The following CEP85L variants were observed in gnomAD, a reference collection of about 807,000 sequenced individuals.
CEP85L encodes the protein centrosomal protein 85L, also known as centrosomal protein of 85 kDa-like.
In CEP85L, 60 loss-of-function variants were observed where a neutral mutation model predicts 100.3. The observed-to-expected ratio is 0.60, with a 90% CI of 0.49 to 0.74. The LOEUF (loss-of-function observed/expected upper bound fraction) is 0.74. Ranked by LOEUF, CEP85L falls within the 30% of genes least tolerant of loss-of-function variation. CEP85L has a pLI of 0.00. For missense variants in CEP85L, 973 were observed against 936.2 expected, an observed-to-expected ratio of 1.04 and a Z score of -0.51; for synonymous variants, 319 against 322.7, an observed-to-expected ratio of 0.99 and a Z score of 0.12.
At chr6:118,503,060 CA>C in intron 5 of CEP85L, among the ~76,000 whole-genome samples, 1 of 152,078 alleles carries the variant, frequency 6.6e-6, no homozygotes, top group South Asian at 2.1e-4. Flanking sequence ...TGAAAACAAA[CA>C]AAAAACACCT....
intron 1 of CEP85L, among the ~76,000 whole-genome samples, chr6:118,641,901 T>C (rs1359746498): frequency 2.0e-5 from 3 of 152,090 alleles, no homozygotes; most frequent in Non-Finnish European, 4.4e-5. Context: ...AAAATAACCA[T>C]TGATCCCCAT....
rs76927489 is a variant in CEP85L at position 118,581,890 on chromosome 6, G to A, written c.233-15574C>T. On this transcript the variant is annotated intron_variant, in intron 2 of 12. Coordinates refer to ENST00000368491, the MANE Select transcript of CEP85L (RefSeq NM_001042475.3). The stretch of plus-strand genomic sequence containing the variant: ...GGGACAGATAAACCTGGCCCGCTGC[G>A]GGGAGCCTTGATTTTAATATTATCC... 4.5e-4 allele frequency among the ~76,000 whole-genome samples: 69 copies of A among 152,120 alleles called. 1 individual carries two copies. In the East Asian group the frequency reaches 6.9e-3, roughly 15 times the overall value.
At chr6:118,523,097 A>C (rs1582972167) in intron 4 of CEP85L, among the ~76,000 whole-genome samples, 2 of 152,214 alleles carry the variant, frequency 1.3e-5, no homozygotes, top group African/African-American at 4.8e-5. Context: ...AGTAATTACG[A>C]GCACTGGTTA....
chr6:118,498,712 CA>C (rs1775087180), intron 5 of CEP85L, among the ~76,000 whole-genome samples: 1 of 151,816 alleles, frequency 6.6e-6, no homozygotes, highest in South Asian at 2.1e-4. Context: ...ACAGTTTCAA[CA>C]GGCAGAAAAT....
upstream of CEP85L, among the ~76,000 whole-genome samples, chr6:118,654,033 G>T (rs1383902177): frequency 6.6e-6 from 1 of 152,154 alleles, no homozygotes; most frequent in African/African-American, 2.4e-5. Context: ...TATCTTACAT[G>T]TGTTTTTCTG....
intron 5 of CEP85L, among the ~76,000 whole-genome samples, chr6:118,505,786 C>T (rs1231060351): frequency 1.3e-5 from 2 of 152,142 alleles, no homozygotes. Flanking sequence ...AGTGAAACTA[C>T]TCTGCATGAT....
intron 2 of CEP85L, among the ~76,000 whole-genome samples, chr6:118,610,112 T>G (rs760599672): frequency 3.3e-5 from 5 of 152,164 alleles, no homozygotes; most frequent in Admixed American, 2.0e-4. Flanking sequence ...TCACCACACA[T>G]AGAGTTACCT....
At position 118,483,714 on chromosome 6, in the gene CEP85L, T is replaced by A. The variant is rs1773964792; in HGVS notation, c.1582A>T (p.Ser528Cys). 6.2e-7 allele frequency: 1 copy of A among 1,612,432 alleles called. No individual in the cohort carries two copies. The change falls in exon 7 of 13, where the codon AGT (serine) becomes TGT (cysteine). Residue 528 changes from serine to cysteine, a missense_variant. Around this residue, in one of 3 missense-constraint regions of CEP85L, gnomAD observed 890 missense variants for 844.5 expected, o/e 1.05. Coordinates refer to ENST00000368491, the MANE Select transcript of CEP85L (RefSeq NM_001042475.3). Reference sequence around the variant, plus strand: ...ATTTTATTTCATGTTACCTGTAGACTCTGACTCTGTACATCATCTAGAGTT... The same window carrying A: ...ATTTTATTTCATGTTACCTGTAGACACTGACTCTGTACATCATCTAGAGTT... ...LPTLDDVQSQ[S>C]LQLQILEEKN...
upstream of CEP85L, among the ~76,000 whole-genome samples, chr6:118,653,021 T>G (rs376847519): frequency 1.5e-4 from 23 of 152,340 alleles, no homozygotes; most frequent in South Asian, 3.1e-3. Context: ...TTTTTGAAAT[T>G]CATTTGTGAT....
At chr6:118,651,175 G>C in intron 1 of CEP85L, 22 bp downstream of exon 1, 1 of 1,487,076 alleles carries the variant, frequency 6.7e-7, no homozygotes, top group Non-Finnish European at 8.9e-7. Context: ...CACCCCAGCC[G>C]GGGCGCTGTC....
At chr6:118,647,774 G>A (rs370097420) in intron 1 of CEP85L, among the ~76,000 whole-genome samples, 19 of 152,272 alleles carry the variant, frequency 1.2e-4, no homozygotes, top group African/African-American at 4.6e-4. Flanking sequence ...AAGCCTACGG[G>A]AAATATGTCT....
intron 1 of CEP85L, among the ~76,000 whole-genome samples, chr6:118,703,684 T>C (rs1173533631): frequency 2.6e-5 from 4 of 152,244 alleles, no homozygotes; most frequent in African/African-American, 9.6e-5. Flanking sequence ...CTCTCCTGTT[T>C]ACTGCAAACG....
At chr6:118,655,105 T>G (rs753817664), upstream of CEP85L, among the ~76,000 whole-genome samples, 37 of 152,190 alleles carry the variant, frequency 2.4e-4, no homozygotes, top group Non-Finnish European at 4.3e-4. Flanking sequence ...ACCTTCATTC[T>G]AGGCTGTGAT....
chr6:118,643,622 A>G (rs1032187270), intron 1 of CEP85L, among the ~76,000 whole-genome samples: 2 of 152,230 alleles, frequency 1.3e-5, no homozygotes, highest in East Asian at 1.9e-4. Flanking sequence ...TTAAAATCCT[A>G]TCAACGACTT....
intron 1 of CEP85L, among the ~76,000 whole-genome samples, chr6:118,690,282 G>C (rs949890324): frequency 6.6e-6 from 1 of 152,046 alleles, no homozygotes; most frequent in African/African-American, 2.4e-5. Context: ...TATCAAATTT[G>C]TCATGTCTAA....
In CEP85L at chr6:118,523,869, T is replaced by C. The variant is rs1290209117; in HGVS notation, c.1072A>G (p.Ser358Gly). 1.2e-6 allele frequency: 2 copies of C among 1,609,724 alleles called. No individual in the cohort carries two copies. The highest frequency in any genetic ancestry group is 1.7e-5 in the Admixed American group (1 of 59,884). Residue 358 changes from serine to glycine, a missense_variant, in exon 4 of 13, where the codon AGT (serine) becomes GGT (glycine). Coordinates refer to ENST00000368491, the MANE Select transcript of CEP85L (RefSeq NM_001042475.3). ...ATTTTCAACATTGATTCCCACTTAC[T>C]GAAATCCTGATAGCCAGGTGAATAA... ...QSYSPGYQDF[S>G]KWESMLKIKE... is the part of the protein sequence containing the mutation.
At chr6:118,465,670 G>T in intron 12 of CEP85L, 102 bp from the exon 13 acceptor site, 1 of 994,030 alleles carries the variant, frequency 1.0e-6, no homozygotes, top group African/African-American at 1.6e-5. Flanking sequence ...GCTACACACT[G>T]AATACCAGTG....
intron 3 of CEP85L, among the ~76,000 whole-genome samples, chr6:118,540,625 T>C (rs557455278): frequency 3.9e-5 from 6 of 152,004 alleles, no homozygotes; most frequent in Admixed American, 6.6e-5. Flanking sequence ...GGTGTGGTGA[T>C]GCACACCTGT....
intron 2 of CEP85L, among the ~76,000 whole-genome samples, chr6:118,607,944 C>A (rs1004754557): frequency 7.2e-5 from 11 of 152,020 alleles, no homozygotes; most frequent in Non-Finnish European, 1.5e-4. Context: ...TGATCCAGAC[C>A]CCAAGAGAGG....
Sources: gnomAD v4.1 joint callset for allele counts (sites outside exome capture counted in the v4.1 genomes callset) on GRCh38, gnomAD v4.1.1 for gene constraint, gnomAD v4.1.1 regional missense constraint, MANE v1.5 for transcripts, NCBI Gene and HGNC (gene_info 2026-07-23, HGNC 2026-07-21) for gene names.